Variants in FRMPD4 observed in about 807,000 individuals in gnomAD.
The protein encoded by FRMPD4 is FERM and PDZ domain-containing protein 4.
In FRMPD4, 22 loss-of-function variants were observed where a neutral mutation model predicts 94.1. That is an observed-to-expected ratio of 0.23 (90% CI 0.17 to 0.33). The LOEUF is 0.33. Ranked by LOEUF, FRMPD4 falls within the 10% of genes least tolerant of loss-of-function variation. The pLI, the probability that FRMPD4 is intolerant of heterozygous loss-of-function variation, is 1.00. For missense variants in FRMPD4, 1,111 were observed against 1,339.9 expected, an observed-to-expected ratio of 0.83 and a Z score of 2.67; for synonymous variants, 631 against 548.6, an observed-to-expected ratio of 1.15 and a Z score of -2.10.
intron 2 of FRMPD4, among the ~76,000 whole-genome samples, chrX:11,876,354 AT>A (rs200664583): frequency 0.065 from 6,312 of 97,582 alleles, 207 homozygotes; most frequent in East Asian, 0.23. Flanking sequence ...TTTTTTCCTC[AT>A]TTTTTTTTTT....
At chrX:12,009,656 G>A (rs960682441) in intron 3 of FRMPD4, among the ~76,000 whole-genome samples, 1 of 111,762 alleles carries the variant, frequency 8.9e-6, no homozygotes, top group Non-Finnish European at 1.9e-5. Flanking sequence ...TCTCACTTAC[G>A]GTTTAATCTG....
intron 1 of FRMPD4, among the ~76,000 whole-genome samples, chrX:12,492,550 G>T (rs1052852998): frequency 2.7e-5 from 3 of 112,135 alleles, no homozygotes; most frequent in Non-Finnish European, 5.6e-5. Context: ...ATTTTGTAAT[G>T]AATATATTTT....
chrX:11,854,064 G>T (rs1485445319), intron 1 of FRMPD4, among the ~76,000 whole-genome samples: 1 of 112,003 alleles, frequency 8.9e-6, no homozygotes. Context: ...CATGGCTGAG[G>T]AGGCCTCAGG....
intron 3 of FRMPD4, among the ~76,000 whole-genome samples, chrX:12,067,387 GTGTTTGTTTGTT>G (rs370688291): frequency 9.0e-6 from 1 of 110,617 alleles, no homozygotes; most frequent in Admixed American, 9.6e-5. Context: ...CAAAAACAAA[GTGTTTGTTTGTT>G]TGTTTGTTTG....
At chrX:12,187,459 C>G (rs1422712261) in intron 1 of FRMPD4, among the ~76,000 whole-genome samples, 1 of 111,651 alleles carries the variant, frequency 9.0e-6, no homozygotes, top group Non-Finnish European at 1.9e-5. Flanking sequence ...GAATGGCTAT[C>G]CAATTTTAAG....
At chrX:12,288,458 G>A (rs1419338300) in intron 1 of FRMPD4, among the ~76,000 whole-genome samples, 1 of 111,363 alleles carries the variant, frequency 9.0e-6, no homozygotes. Context: ...ACTAATGCTT[G>A]GGTGCTATGC....
chrX:12,199,976 G>A (rs73190592), intron 1 of FRMPD4, among the ~76,000 whole-genome samples: 11,115 of 110,506 alleles, frequency 0.1, 555 homozygotes, highest in African/African-American at 0.17. Flanking sequence ...CAAGTTTATC[G>A]ATCTGGGTGG....
At chrX:12,288,726 A>G (rs2054639054) in intron 1 of FRMPD4, among the ~76,000 whole-genome samples, 3 of 112,229 alleles carry the variant, frequency 2.7e-5, no homozygotes, top group Non-Finnish European at 3.8e-5. Context: ...ATGAGATACA[A>G]TCCTAGGTAA....
At chrX:12,291,741 C>T (rs1388320671) in intron 1 of FRMPD4, among the ~76,000 whole-genome samples, 1 of 111,452 alleles carries the variant, frequency 9.0e-6, no homozygotes, top group Admixed American at 9.5e-5. Context: ...TTAGTTCTAC[C>T]TTGGATGTGT....
chrX:11,996,954 A>G (rs2054499590), intron 3 of FRMPD4, among the ~76,000 whole-genome samples: 1 of 111,543 alleles, frequency 9.0e-6, no homozygotes, highest in African/African-American at 3.3e-5. Flanking sequence ...AAGTCTGGAG[A>G]GGGTGATTAC....
At chrX:11,830,042 A>G (rs1270927813) in intron 1 of FRMPD4, among the ~76,000 whole-genome samples, 1 of 111,647 alleles carries the variant, frequency 9.0e-6, no homozygotes, top group Non-Finnish European at 1.9e-5. Flanking sequence ...TGGAGAACCA[A>G]GAGACATTGC....
chrX:12,225,551 G>A lies in FRMPD4; in HGVS notation c.41+86539G>A, dbSNP rs748690834. ...AATGTAATTCAGACATGAATAGACA[G>A]TGTTTCCTGCCCTCCTCCTTTTTTA... is the stretch of plus-strand genomic sequence containing the variant. On this transcript the variant is annotated intron_variant, in intron 1 of 16. Transcript: ENST00000675598. 4.8e-4 allele frequency among the ~76,000 whole-genome samples: 54 copies of A among 112,268 alleles called. 1 individual carries two copies. Among genetic ancestry groups the A allele is most frequent in the Non-Finnish European group, 7.9e-4 (42 of 53,242 alleles).
chrX:12,178,684 G>A (rs1201101400), intron 1 of FRMPD4, among the ~76,000 whole-genome samples: 2 of 111,951 alleles, frequency 1.8e-5, no homozygotes, highest in African/African-American at 6.5e-5. Context: ...AAACAAATAA[G>A]GTGTATGTCG....
intron 2 of FRMPD4, among the ~76,000 whole-genome samples, chrX:12,514,346 C>T (rs1300715452): frequency 9.0e-6 from 1 of 111,592 alleles, no homozygotes; most frequent in Non-Finnish European, 1.9e-5. Context: ...ATGATATTGG[C>T]TGTAGGTTTG....
rs766194009 is a variant in FRMPD4, at chrX:12,027,213, T to C, written c.95+149195T>C. Among the ~76,000 whole-genome samples the C allele has an allele frequency of 6.2e-5, 7 of 112,389 alleles. No homozygotes were observed. The South Asian group carries it at 2.2e-3, about 35-fold the overall frequency. ...ACGAAGTAATCTAATCTAGGGCTCA[T>C]TGTTACTCTGAAAATTCTTATCAAA... On this transcript the variant is annotated intron_variant, in intron 3 of 18. Transcript: ENST00000640291.
intron 3 of FRMPD4, among the ~76,000 whole-genome samples, chrX:11,994,665 G>A (rs1355391341): frequency 9.0e-6 from 1 of 111,704 alleles, no homozygotes; most frequent in Non-Finnish European, 1.9e-5. Context: ...ACACACGATG[G>A]CAAACTGTAT....
intron 7 of FRMPD4, 103 bp from the exon 8 acceptor site, chrX:12,690,092 T>G (rs1216496829): frequency 2.7e-5 from 15 of 560,588 alleles, no homozygotes; most frequent in Non-Finnish European, 8.3e-6. Flanking sequence ...GTATAAAATT[T>G]CAAGATTGGC....
At chrX:12,065,353 G>A (rs947444016) in intron 3 of FRMPD4, among the ~76,000 whole-genome samples, 11 of 112,181 alleles carry the variant, frequency 9.8e-5, no homozygotes, top group African/African-American at 3.6e-4. Context: ...AAGGGAGAGT[G>A]TTTCCAGCCA....
At chrX:12,082,857 G>A (rs1039709019) in intron 3 of FRMPD4, among the ~76,000 whole-genome samples, 6 of 111,754 alleles carry the variant, frequency 5.4e-5, no homozygotes, top group African/African-American at 2.0e-4. Flanking sequence ...AATTGAGAGA[G>A]ATGATTTAGG....
Sources: allele counts gnomAD v4.1 joint callset (sites outside exome capture counted in the v4.1 genomes callset), GRCh38; gene constraint gnomAD v4.1.1; transcripts MANE v1.5; gene names NCBI Gene and HGNC (gene_info 2026-07-23, HGNC 2026-07-21).